The following ALK variants were observed in gnomAD, a reference collection of about 807,000 sequenced individuals.
ALK encodes the protein ALK tyrosine kinase receptor.
ALK carries 74 observed loss-of-function variants against 163.1 expected under a neutral mutation model. The observed-to-expected ratio is 0.45, with a 90% CI of 0.38 to 0.55. The LOEUF (loss-of-function observed/expected upper bound fraction) is 0.55, where lower values mean the gene tolerates loss of function less well. Among genes scored for constraint, ALK ranks in the 20% least tolerant of loss-of-function variants. ALK has a pLI of 0.00. For missense variants in ALK, 2,063 were observed against 2,105.3 expected, an observed-to-expected ratio of 0.98 and a Z score of 0.39; for synonymous variants, 960 against 843.2, an observed-to-expected ratio of 1.14 and a Z score of -2.40.
chr2:29,895,128 C>G (rs949093762), intron 1 of ALK, among the ~76,000 whole-genome samples: 1 of 152,064 alleles, frequency 6.6e-6, no homozygotes, highest in Non-Finnish European at 1.5e-5. Context: ...GCTTTTATGC[C>G]TGGAGATAAG....
At chr2:29,262,828 G>C (rs1339919174) in intron 11 of ALK, among the ~76,000 whole-genome samples, 4 of 152,256 alleles carry the variant, frequency 2.6e-5, no homozygotes, top group Admixed American at 2.6e-4. Context: ...TGATCTGCAG[G>C]AGATTTTAAT....
chr2:29,783,261 T>C (rs1403959027), intron 1 of ALK, among the ~76,000 whole-genome samples: 4 of 152,232 alleles, frequency 2.6e-5, no homozygotes, highest in Non-Finnish European at 4.4e-5. Flanking sequence ...GCTTCGATGC[T>C]ATTCTCTTGG....
intron 5 of ALK, among the ~76,000 whole-genome samples, chr2:29,352,618 C>T (rs930980027): frequency 1.4e-4 from 21 of 152,304 alleles, no homozygotes; most frequent in South Asian, 2.1e-4. Context: ...GATATTGTGA[C>T]GTTGACCGAT....
chr2:29,368,680 C>T (rs1460964873), intron 5 of ALK, among the ~76,000 whole-genome samples: 1 of 152,180 alleles, frequency 6.6e-6, no homozygotes, highest in African/African-American at 2.4e-5. Context: ...AGGAGAACTT[C>T]ATAGAGTGGG....
At chr2:29,216,314 G>A (rs1669604860) in intron 23 of ALK, among the ~76,000 whole-genome samples, 1 of 152,130 alleles carries the variant, frequency 6.6e-6, no homozygotes, top group Non-Finnish European at 1.5e-5. Context: ...CATGCTCTCT[G>A]TCCCTACCAG....
intron 1 of ALK, among the ~76,000 whole-genome samples, chr2:29,850,890 C>G (rs570189031): frequency 1.6e-4 from 24 of 152,338 alleles, no homozygotes; most frequent in African/African-American, 5.5e-4. Flanking sequence ...TAAGCCACTG[C>G]CACAACCAGC....
rs905821821 is a variant in ALK at position 29,454,242 on chromosome 2, T to C, written c.1155-70383A>G. On this transcript the variant is annotated intron_variant, in intron 4 of 28. Coordinates refer to ENST00000389048, the MANE Select transcript of ALK (RefSeq NM_004304.5). ...CACATCCCTCAGTATTTCTGGGGGA[T>C]TGGTTCCAGGACCCCCCTGTGGATA... Among the ~76,000 whole-genome samples, 2 of 152,308 alleles carry C rather than the reference T, an allele frequency of 1.3e-5. 1 individual carries two copies. Among genetic ancestry groups the C allele is most frequent in the South Asian group, 4.1e-4 (2 of 4,830 alleles).
rs771825127 is a variant in ALK at position 29,920,255 on chromosome 2, G to A, written c.405C>T (p.Leu135=). 1 of 1,606,310 alleles carries A rather than the reference G, an allele frequency of 6.2e-7. No homozygotes were observed. The highest frequency in any genetic ancestry group is 8.5e-7 in the Non-Finnish European group (1 of 1,177,126). The change falls in exon 1 of 29, where the codon CTC becomes CTT. Residue 135 remains leucine, a synonymous_variant. Coordinates refer to ENST00000389048, the MANE Select transcript of ALK (RefSeq NM_004304.5). ...RVLKGGSVRK[L]RRAKQLVLEL... ...CCAGCACCAACTGCTTGGCACGCCG[G>A]AGCTTGCGCACGGAGCCGCCCTTCA...
rs544832561 is a variant in ALK at position 29,813,574 on chromosome 2, G to A, written c.668-95877C>T. On this transcript the variant is annotated intron_variant, in intron 1 of 28. Coordinates refer to ENST00000389048, the MANE Select transcript of ALK (RefSeq NM_004304.5). ...CATTATTTATATTAAAAAAGAAGAG[G>A]CATAAAAATAAATTTCCTAGAACTT... 2.6e-5 allele frequency among the ~76,000 whole-genome samples: 4 copies of A among 152,166 alleles called. No homozygotes were observed. In the South Asian group the frequency reaches 8.3e-4, roughly 32 times the overall value.
intron 1 of ALK, among the ~76,000 whole-genome samples, chr2:29,875,091 T>C (rs1171581081): frequency 6.6e-6 from 1 of 152,162 alleles, no homozygotes; most frequent in East Asian, 1.9e-4. Flanking sequence ...TTATTCACAA[T>C]AGTCAAAAGG....
At chr2:29,416,089 A>G (rs535678334) in intron 4 of ALK, among the ~76,000 whole-genome samples, 1 of 152,312 alleles carries the variant, frequency 6.6e-6, no homozygotes, top group African/African-American at 2.4e-5. Flanking sequence ...ATCAGCCTCT[A>G]TAATCACGTG....
intron 3 of ALK, among the ~76,000 whole-genome samples, chr2:29,575,641 G>C (rs1184845299): frequency 6.6e-6 from 1 of 152,222 alleles, no homozygotes; most frequent in Non-Finnish European, 1.5e-5. Flanking sequence ...GGCAGCTTTA[G>C]GAGAGCAGGG....
Position 29,569,371 on chromosome 2 carries a change from C to A in ALK, c.953-37255G>T, listed in dbSNP as rs543329499. Among the ~76,000 whole-genome samples the A allele has an allele frequency of 2.0e-4, 31 of 152,246 alleles. No individual in the cohort carries two copies. The South Asian group carries it at 6.4e-3, about 32-fold the overall frequency. ...AGTGACATTCTGCATCCTTACATAGCCAAGTAATCCCATCTGTATCCCTAA... is the reference window on the plus strand; with the variant it reads ...AGTGACATTCTGCATCCTTACATAGACAAGTAATCCCATCTGTATCCCTAA... On this transcript the variant is annotated intron_variant, in intron 3 of 28. Coordinates refer to ENST00000389048, the MANE Select transcript of ALK (RefSeq NM_004304.5).
At chr2:29,663,759 A>T (rs1677424079) in intron 3 of ALK, among the ~76,000 whole-genome samples, 1 of 152,182 alleles carries the variant, frequency 6.6e-6, no homozygotes, top group Non-Finnish European at 1.5e-5. Flanking sequence ...TGAAAGTTTA[A>T]ATTTTGTTCC....
At chr2:29,361,780 T>C (rs1300449335) in intron 5 of ALK, among the ~76,000 whole-genome samples, 2 of 152,206 alleles carry the variant, frequency 1.3e-5, no homozygotes, top group South Asian at 4.1e-4. Context: ...CCTTGTATAT[T>C]GTGGCCTATA....
At chr2:29,912,794 A>G (rs1572495685) in intron 1 of ALK, among the ~76,000 whole-genome samples, 1 of 152,182 alleles carries the variant, frequency 6.6e-6, no homozygotes, top group East Asian at 1.9e-4. Context: ...CATAGAATTC[A>G]TGTCTTCGAG....
intron 4 of ALK, among the ~76,000 whole-genome samples, chr2:29,499,761 C>G (rs1018476375): frequency 6.6e-6 from 1 of 152,048 alleles, no homozygotes; most frequent in Non-Finnish European, 1.5e-5. Context: ...CTGCTGCCAG[C>G]CCATGTCTTC....
intron 4 of ALK, among the ~76,000 whole-genome samples, chr2:29,484,960 T>C (rs1671745721): frequency 6.6e-6 from 1 of 152,012 alleles, no homozygotes; most frequent in Non-Finnish European, 1.5e-5. Context: ...GCTTTTAGTG[T>C]TTTTTTTCTT....
chr2:29,407,793 A>G (rs1338558047), intron 4 of ALK, among the ~76,000 whole-genome samples: 1 of 152,130 alleles, frequency 6.6e-6, no homozygotes, highest in Non-Finnish European at 1.5e-5. Context: ...TGGACCCCTA[A>G]CATTTCACCG....
Sources: allele counts gnomAD v4.1 joint callset (sites outside exome capture counted in the v4.1 genomes callset), GRCh38; gene constraint gnomAD v4.1.1; transcripts MANE v1.5; gene names NCBI Gene and HGNC (gene_info 2026-07-23, HGNC 2026-07-21).